ADCY7: variants seen among roughly 807,000 people sequenced by gnomAD.
ADCY7 encodes the protein adenylate cyclase type 7.
In ADCY7, 72 loss-of-function variants were observed where a neutral mutation model predicts 120.6. That is an observed-to-expected ratio of 0.60 (90% confidence interval 0.49 to 0.73). The LOEUF (loss-of-function observed/expected upper bound fraction) is 0.73. Ranked by LOEUF, ADCY7 falls within the 30% of genes least tolerant of loss-of-function variation. The pLI, the probability that ADCY7 is intolerant of heterozygous loss-of-function variation, is 0.00. For synonymous variants in ADCY7, 661 were observed against 628.0 expected (o/e 1.05, Z -0.78); for missense variants, 1,227 against 1,486.0 (o/e 0.83, Z 2.87).
At chr16:50,292,860 C>T in intron 5 of ADCY7, 35 bp downstream of exon 5, 2 of 1,601,878 alleles carry the variant, frequency 1.2e-6, no homozygotes, top group East Asian at 2.2e-5. Flanking sequence ...CCCTGTACAC[C>T]CCTGTCCTCT....
Position 50,317,024 on chromosome 16 carries a change from G to A in ADCY7, c.*1519G>A, listed in dbSNP as rs112731098. The A allele has an allele frequency of 8.7e-3, 1,330 of 152,430 alleles. 13 individuals are homozygous for A. The highest frequency in any genetic ancestry group is 0.011 in the South Asian group (53 of 4,818). 9.4% of individuals were successfully genotyped at this position (152,430 alleles called of 1,614,324 possible). A position where few individuals can be genotyped will look rare whatever the true frequency, so the allele number is the denominator to read the frequency against. On this transcript the variant is annotated 3_prime_UTR_variant, in exon 26 of 26. Transcript: ENST00000673801. ...TTGGGGTCCTGGGATGAGTTGCCCC[G>A]GGCTGCAAATTAAGAGTACAGCTAA...
At chr16:50,299,384 G>A (rs147493945) in intron 8 of ADCY7, among the ~76,000 whole-genome samples, 3 of 152,356 alleles carry the variant, frequency 2.0e-5, no homozygotes, top group East Asian at 1.9e-4. Context: ...CCCAGGGGTC[G>A]ACTCCAAGGC....
At chr16:50,252,641 C>T (rs984160006) in intron 1 of ADCY7, among the ~76,000 whole-genome samples, 1 of 152,180 alleles carries the variant, frequency 6.6e-6, no homozygotes, top group Non-Finnish European at 1.5e-5. Flanking sequence ...AACTGAGGCT[C>T]AGAGAGGTGA....
intron 6 of ADCY7, 51 bp downstream of exon 6, chr16:50,293,553 T>C: frequency 6.3e-7 from 1 of 1,588,374 alleles, no homozygotes; most frequent in Non-Finnish European, 8.6e-7. Context: ...GGCCCACCGT[T>C]CCACCGGCCC....
rs557975665 is a variant in ADCY7, at chr16:50,313,360, TGAGCTGGGATCACGCCACTGCACTACA to T, written c.2751+326_2751+352del. The T allele has an allele frequency of 1.1e-3, 323 of 289,968 alleles. 2 individuals are homozygous for T. The highest frequency in any genetic ancestry group is 6.7e-3 in the African/African-American group (305 of 45,692). 18.0% of individuals were successfully genotyped at this position (289,968 alleles called of 1,614,324 possible). On this transcript the variant is annotated intron_variant, in intron 22 of 25. Transcript: ENST00000673801. ...GCTTGAACCTGGGAGGCGGTTGCAG[TGAGCTGGGATCACGCCACTGCACTACA>T]GCCTGGGCAACAGTACACAACTCTG...
At chr16:50,303,747 C>T (rs2035882692) in intron 10 of ADCY7, among the ~76,000 whole-genome samples, 2 of 152,130 alleles carry the variant, frequency 1.3e-5, no homozygotes, top group African/African-American at 2.4e-5. Flanking sequence ...GTGCCATCTG[C>T]GGTTGGGGGC....
rs370653104 is a variant in ADCY7, at chr16:50,300,723, G to C, written c.1085G>C (p.Arg362Pro). The C allele has an allele frequency of 1.0e-5, 16 of 1,551,594 alleles. No homozygotes were observed. The highest frequency in any genetic ancestry group is 1.4e-5 in the Non-Finnish European group (16 of 1,147,030). The stretch of plus-strand genomic sequence containing the variant: ...GGGCCACTCTGCCCCAGGCAGGTGC[G>C]GGAGGCCACGGGCGTGGACATCAAC... ...LDMCQAIKQV[R>P]EATGVDINMR... The change falls in exon 9 of 26, where the codon CGG becomes CCG. Residue 362 changes from arginine (R) to proline (P), a missense_variant. Transcript: ENST00000673801.
chr16:50,303,396 G>A (rs1217881400), intron 10 of ADCY7, among the ~76,000 whole-genome samples: 1 of 152,200 alleles, frequency 6.6e-6, no homozygotes, highest in Non-Finnish European at 1.5e-5. Flanking sequence ...TGTAGCTGTG[G>A]AGGCTTGTCC....
intron 24 of ADCY7, 136 bp downstream of exon 24, chr16:50,314,542 T>C: frequency 1.6e-6 from 1 of 635,890 alleles, no homozygotes; most frequent in South Asian, 1.9e-5. Flanking sequence ...GCTCAGCAGT[T>C]GGACAATTAT....
intron 10 of ADCY7, among the ~76,000 whole-genome samples, chr16:50,302,340 C>A (rs2035784747): frequency 6.6e-6 from 1 of 152,142 alleles, no homozygotes; most frequent in Non-Finnish European, 1.5e-5. Context: ...GGATGCCCGG[C>A]TCGAAGCTAG....
intron 1 of ADCY7, among the ~76,000 whole-genome samples, chr16:50,260,402 A>G (rs1196638678): frequency 6.6e-6 from 1 of 152,138 alleles, no homozygotes; most frequent in East Asian, 1.9e-4. Context: ...AGAGGACTTG[A>G]GACTTTGTGG....
intron 1 of ADCY7, among the ~76,000 whole-genome samples, chr16:50,272,534 T>C (rs1289559266): frequency 6.6e-6 from 1 of 152,130 alleles, no homozygotes; most frequent in East Asian, 1.9e-4. Context: ...CTGGGAGCTC[T>C]GCAGCCTTGG....
chr16:50,255,412 A>AAAAAAAAAAAAAAAC (rs557179196), intron 1 of ADCY7, among the ~76,000 whole-genome samples: 4 of 147,626 alleles, frequency 2.7e-5, no homozygotes, highest in African/African-American at 9.9e-5. Context: ...GAAAAAAAAA[A>AAAAAAAAAAAAAAAC]AAAAAAAAAG....
chr16:50,309,118 G>C (rs2036277188), intron 17 of ADCY7: 1 of 330,598 alleles, frequency 3.0e-6, no homozygotes, highest in African/African-American at 2.1e-5. Context: ...TCCTCTGCTG[G>C]GGCTCAGAGG....
chr16:50,294,988 C>T (rs1405795375), intron 7 of ADCY7, among the ~76,000 whole-genome samples: 1 of 152,160 alleles, frequency 6.6e-6, no homozygotes, highest in Non-Finnish European at 1.5e-5. Context: ...ACAGTGCACA[C>T]TGGGCGATAT....
At chr16:50,304,217 G>A in intron 10 of ADCY7, 143 bp from the exon 11 acceptor site, 1 of 880,668 alleles carries the variant, frequency 1.1e-6, no homozygotes, top group Non-Finnish European at 1.6e-6. Flanking sequence ...GGGGACTGCG[G>A]GTTGAGCAAC....
intron 8 of ADCY7, 58 bp downstream of exon 8, chr16:50,299,089 A>T: frequency 1.3e-6 from 2 of 1,518,720 alleles, no homozygotes; most frequent in South Asian, 2.5e-5. Flanking sequence ...CCTCCTGGGC[A>T]TGGTAGGGGA....
At chr16:50,295,047 C>T (rs1260206422) in intron 7 of ADCY7, among the ~76,000 whole-genome samples, 5 of 152,206 alleles carry the variant, frequency 3.3e-5, no homozygotes, top group Non-Finnish European at 7.3e-5. Context: ...GAGATGGCTC[C>T]ATCCTCACTG....
intron 4 of ADCY7, 35 bp downstream of exon 4, chr16:50,291,932 T>A (rs749720689): frequency 6.4e-7 from 1 of 1,573,972 alleles, no homozygotes; most frequent in Non-Finnish European, 8.6e-7. Context: ...GGGGAGGTTT[T>A]GTGGTCTGGG....
Sources: gnomAD v4.1 joint callset for allele counts (sites outside exome capture counted in the v4.1 genomes callset) on GRCh38, gnomAD v4.1.1 for gene constraint, MANE v1.5 for transcripts, NCBI Gene and HGNC (gene_info 2026-07-23, HGNC 2026-07-21) for gene names.